TACC3: variants seen among roughly 807,000 people sequenced by gnomAD.
The protein encoded by TACC3 is transforming acidic coiled-coil-containing protein 3.
TACC3 carries 52 observed loss-of-function variants against 86.0 expected under a neutral mutation model. The observed-to-expected ratio is 0.60, with a 90% CI of 0.48 to 0.76. TACC3 has a LOEUF of 0.76. TACC3 is among the 30% of genes least tolerant of loss of function. The probability of loss-of-function intolerance (pLI) is 0.00; values close to 1 mark genes in which losing one functional copy is unlikely to be tolerated. For missense variants in TACC3, 1,120 were observed against 1,070.4 expected, an observed-to-expected ratio of 1.05 and a Z score of -0.65; for synonymous variants, 512 against 430.0, an observed-to-expected ratio of 1.19 and a Z score of -2.36.
chr4:1,727,137 A>T (rs1717726840), intron 3 of TACC3, among the ~76,000 whole-genome samples: 1 of 152,002 alleles, frequency 6.6e-6, no homozygotes, highest in Admixed American at 6.5e-5. Flanking sequence ...TCTCAAAAAA[A>T]AAAAACATAA....
chr4:1,728,013 AC>A lies in TACC3; in HGVS notation c.614del (p.Pro205LeufsTer110). 6.2e-7 allele frequency: 1 copy of A among 1,613,174 alleles called. No homozygotes were observed. Among genetic ancestry groups the A allele is most frequent in the South Asian group, 1.1e-5 (1 of 91,072 alleles). On this transcript the variant is annotated frameshift_variant, in exon 4 of 16. Coordinates refer to ENST00000313288, the MANE Select transcript of TACC3 (RefSeq NM_006342.3). LOFTEE classifies it high-confidence loss of function. ...RVTPASETLE[D>X]PCRTESQHKA... is the part of the protein sequence containing the mutation. The stretch of plus-strand genomic sequence containing the variant: ...ACACCCGCCTCTGAGACCCTAGAAG[AC>A]CCTTGCAGGACAGAGTCCCAGCACA...
intron 6 of TACC3, among the ~76,000 whole-genome samples, chr4:1,734,580 C>A (rs1718162902): frequency 6.6e-6 from 1 of 152,224 alleles, no homozygotes; most frequent in Non-Finnish European, 1.5e-5. Context: ...TAGCAAGACT[C>A]CTCCTCTACC....
In TACC3 at chr4:1,727,989, C is replaced by T; in HGVS notation, c.587C>T (p.Thr196Ile). The T allele has an allele frequency of 6.2e-7, 1 of 1,613,050 alleles. No individual in the cohort carries two copies. The highest frequency in any genetic ancestry group is 8.5e-7 in the Non-Finnish European group (1 of 1,179,998). Reference protein sequence around the residue: ...LSSYSLDRRVTPASETLEDPC... With the variant: ...LSSYSLDRRVIPASETLEDPC... ...TCCTATTCCTTAGACAGAAGAGTGA[C>T]ACCCGCCTCTGAGACCCTAGAAGAC... The change falls in exon 4 of 16, where the codon ACA (threonine) becomes ATA (isoleucine). Residue 196 changes from threonine (T) to isoleucine (I), a missense_variant. Transcript: ENST00000313288.
Position 1,737,343 on chromosome 4 carries a change from C to T in TACC3, c.1836+15C>T, listed in dbSNP as rs1285069188. The T allele has an allele frequency of 6.2e-7, 1 of 1,608,950 alleles. No individual in the cohort carries two copies. The highest frequency in any genetic ancestry group is 8.5e-7 in the Non-Finnish European group (1 of 1,175,352). On this transcript the variant is annotated intron_variant, in intron 9 of 15. Coordinates refer to ENST00000313288, the MANE Select transcript of TACC3 (RefSeq NM_006342.3). ...TGGACATTCCTGTAAGTCCTTGAGT[C>T]CCTCTTGAACTGTCTTGTGTGTGGT...
chr4:1,735,231 C>G lies in TACC3; in HGVS notation c.1592-42C>G. The stretch of plus-strand genomic sequence containing the variant: ...ACACCAGCCCGCCGCCCTTAGGGCC[C>G]TGGTGAGGGGCGATGGCGGCGGCAT... On this transcript the variant is annotated intron_variant, in intron 6 of 15. Coordinates refer to ENST00000313288, the MANE Select transcript of TACC3 (RefSeq NM_006342.3). This position sits in a 1 kb window ranked among gnomAD's most constrained non-coding sequence, Gnocchi z 4.2. 1.2e-6 allele frequency: 2 copies of G among 1,613,350 alleles called. No homozygotes were observed. Among genetic ancestry groups the G allele is most frequent in the Non-Finnish European group, 1.7e-6 (2 of 1,179,854 alleles).
chr4:1,737,736 C>T, intron 10 of TACC3, 34 bp downstream of exon 10: 1 of 1,536,024 alleles, frequency 6.5e-7, no homozygotes, highest in African/African-American at 1.4e-5. Context: ...TCCACAGAAC[C>T]TGCAGGCCGC....
In TACC3 at chr4:1,735,883, A is replaced by T. The variant is rs748671147; in HGVS notation, c.1748+49A>T. ...TGCATGAAGCCTTGAGTGTGGGAAG[A>T]CTGGAGGCTGTTCCTAGGTGTGCTG... On this transcript the variant is annotated intron_variant, in intron 8 of 15. Transcript: ENST00000313288. This position sits in a 1 kb window ranked among gnomAD's most constrained non-coding sequence, Gnocchi z 4.2. 1 of 1,336,100 alleles carries T rather than the reference A, an allele frequency of 7.5e-7. No individual in the cohort carries two copies. Among genetic ancestry groups the T allele is most frequent in the South Asian group, 1.3e-5 (1 of 77,946 alleles). The allele number at this position is 1,336,100 out of a possible 1,614,324, so 82.8% of individuals were successfully genotyped here.
rs1388339707 is a variant in TACC3 at position 1,745,041 on chromosome 4, C to T, written c.*28C>T. ...TCCACGGAGCCGCTGTCCCCGCCCCCCTGCTCCCGTCTGTCTGTCCTGTCT... is the reference window on the plus strand; with the variant it reads ...TCCACGGAGCCGCTGTCCCCGCCCCTCTGCTCCCGTCTGTCTGTCCTGTCT... On this transcript the variant is annotated 3_prime_UTR_variant, in exon 16 of 16. Transcript: ENST00000313288. The T allele has an allele frequency of 1.3e-6, 2 of 1,585,758 alleles. No homozygotes were observed. The highest frequency in any genetic ancestry group is 3.6e-5 in the Admixed American group (2 of 55,578).
In TACC3 at chr4:1,739,748, A is replaced by C; in HGVS notation, c.1988A>C (p.Glu663Ala). ...AACCGGGAGCTGAGGAGCAGGTGTG[A>C]GGAGCTCCACGGGAAGAACCTGGAA... ...EENRELRSRC[E>A]ELHGKNLELG... Residue 663 changes from glutamate to alanine, a missense_variant, in exon 11 of 16, where the codon GAG (glutamate) becomes GCG (alanine). Glu to Ala is a moderately radical substitution (Grantham distance 107). Transcript: ENST00000313288. 6.3e-7 allele frequency: 1 copy of C among 1,588,032 alleles called. No individual in the cohort carries two copies. The highest frequency in any genetic ancestry group is 8.6e-7 in the Non-Finnish European group (1 of 1,168,312).
In TACC3 at chr4:1,730,961, A is replaced by G; in HGVS notation, c.1460A>G (p.Lys487Arg). ...GCCGAGACCCCAACAGCAGAGAGCA[A>G]GGTAAGGGGTGCTTGTGTGGGTACC... ...LAAETPTAES[K>R]ERALNSASTS... The change falls in exon 5 of 16, where the codon AAG becomes AGG. Residue 487 changes from lysine (K) to arginine (R), a missense_variant and splice_region_variant. Transcript: ENST00000313288. 6.2e-7 allele frequency: 1 copy of G among 1,613,454 alleles called. No homozygotes were observed. Among genetic ancestry groups the G allele is most frequent in the African/African-American group, 1.3e-5 (1 of 75,062 alleles).
chr4:1,737,274 T>C lies in TACC3; in HGVS notation c.1782T>C (p.Arg594=), dbSNP rs1363277549. The part of the protein sequence containing the change: ...MHGANETPSG[R]PREAKLVEFD... The stretch of plus-strand genomic sequence containing the variant: ...GTGCAAATGAGACTCCCTCAGGACG[T>C]CCGCGGGAAGCCAAGCTTGTGGAGT... The change falls in exon 9 of 16, where the codon CGT becomes CGC. Residue 594 remains arginine (R), a synonymous_variant. Transcript: ENST00000313288. The C allele has an allele frequency of 6.2e-7, 1 of 1,614,024 alleles. No individual in the cohort carries two copies. The highest frequency in any genetic ancestry group is 2.2e-5 in the East Asian group (1 of 44,900).
chr4:1,735,433 A>G lies in TACC3; in HGVS notation c.1644+108A>G, dbSNP rs948156810. On this transcript the variant is annotated intron_variant, in intron 7 of 15. Coordinates refer to ENST00000313288, the MANE Select transcript of TACC3 (RefSeq NM_006342.3). This position sits in a 1 kb window ranked among gnomAD's most constrained non-coding sequence, Gnocchi z 4.2. ...TTGGTGCCCACGTCCCCCCAGCTGC[A>G]CACAGGCCCAGGCATTGTGGCGGGC... The G allele has an allele frequency of 3.9e-6, 5 of 1,282,658 alleles. No individual in the cohort carries two copies. The African/African-American group carries it at 5.8e-5, about 15-fold the overall frequency. The allele number at this position is 1,282,658 out of a possible 1,614,324, so 79.5% of individuals were successfully genotyped here.
At chr4:1,733,963 C>T (rs1290052583) in intron 6 of TACC3, among the ~76,000 whole-genome samples, 1 of 141,146 alleles carries the variant, frequency 7.1e-6, no homozygotes, top group African/African-American at 2.6e-5. Flanking sequence ...AGCAACAGAG[C>T]AAGACTCTGT....
Position 1,727,821 on chromosome 4 carries a change from G to C in TACC3, c.419G>C (p.Ser140Thr), listed in dbSNP as rs749728961. The change falls in exon 4 of 16, where the codon AGC (serine) becomes ACC (threonine). Residue 140 changes from serine (S) to threonine (T), a missense_variant. Physicochemically the swap from Ser to Thr is moderately conservative, Grantham distance 58. Transcript: ENST00000313288. ...GCAAGCCCAGCCTTTGGGAGTGGCA[G>C]CTCCAGCGAGTCTGGCCCAGGTGCC... ...GDASPAFGSG[S>T]SSESGPGALA... 7.4e-6 allele frequency: 12 copies of C among 1,613,002 alleles called. No individual in the cohort carries two copies. Among genetic ancestry groups the C allele is most frequent in the Admixed American group, 1.7e-5 (1 of 60,024 alleles).
At position 1,735,590 on chromosome 4, in the gene TACC3, C is replaced by T. The variant is rs528870152; in HGVS notation, c.1645-141C>T. 18 of 771,928 alleles carry T rather than the reference C, an allele frequency of 2.3e-5. No individual in the cohort carries two copies. The East Asian group carries it at 4.1e-4, about 18-fold the overall frequency. 47.8% of individuals were successfully genotyped at this position (771,928 alleles called of 1,614,324 possible). A position where few individuals can be genotyped will look rare whatever the true frequency, so the allele number is the denominator to read the frequency against. On this transcript the variant is annotated intron_variant, in intron 7 of 15. Transcript: ENST00000313288. The surrounding 1 kb of genome is among the most constrained non-coding windows in gnomAD (Gnocchi z 4.2). ...TGTGCTGCTGGGAATGGTGGTGTCT[C>T]GGGCAGGGTTGTGGGTGACCGGGGG...
intron 6 of TACC3, among the ~76,000 whole-genome samples, chr4:1,733,719 C>T (rs111653571): frequency 0.13 from 19,558 of 152,018 alleles, 1,582 homozygotes; most frequent in Non-Finnish European, 0.18. Flanking sequence ...GGCTCACGCC[C>T]GTAATCCTAG....
chr4:1,720,887 G>A, upstream of TACC3: 1 of 1,526,252 alleles, frequency 6.6e-7, no homozygotes, highest in Admixed American at 2.0e-5. The surrounding 1 kb of genome is among the most constrained non-coding windows in gnomAD (Gnocchi z 4.4). Context: ...CCGGCGCGCG[G>A]ACGAGGCCGC....
chr4:1,739,796 C>G lies in TACC3; in HGVS notation c.2018+18C>G. 1 of 1,577,470 alleles carries G rather than the reference C, an allele frequency of 6.3e-7. No individual in the cohort carries two copies. Among genetic ancestry groups the G allele is most frequent in the South Asian group, 1.1e-5 (1 of 87,144 alleles). On this transcript the variant is annotated intron_variant, in intron 11 of 15. Transcript: ENST00000313288. ...GAACTGGGGTAAGGAGGCCCCGTCT[C>G]CTGTCCTCCCCGTCCCCATCCCCCT... is the stretch of plus-strand genomic sequence containing the variant.
In TACC3 at chr4:1,740,834, C is replaced by A. The variant is rs760326047; in HGVS notation, c.2071C>A (p.Gln691Lys). Reference protein sequence around the residue: ...EVVYQAMEEVQKQKELSKAEI... With the variant: ...EVVYQAMEEVKKQKELSKAEI... Reference sequence around the variant, plus strand: ...GCTTTTCTTTTCTCAAGAGGAAGTTCAGAAGCAGAAGGAACTTTCCAAAGC... The same window carrying A: ...GCTTTTCTTTTCTCAAGAGGAAGTTAAGAAGCAGAAGGAACTTTCCAAAGC... The change falls in exon 13 of 16, where the codon CAG (glutamine) becomes AAG (lysine). Residue 691 changes from glutamine (Q) to lysine (K), a missense_variant. Transcript: ENST00000313288. 6.2e-7 allele frequency: 1 copy of A among 1,604,812 alleles called. No homozygotes were observed.
Sources: gnomAD v4.1 joint callset for allele counts (sites outside exome capture counted in the v4.1 genomes callset) on GRCh38, gnomAD v4.1.1 for gene constraint, Gnocchi (gnomAD v3.1) non-coding constraint, MANE v1.5 for transcripts, NCBI Gene and HGNC (gene_info 2026-07-23, HGNC 2026-07-21) for gene names.